USH2A: variants seen among roughly 807,000 people sequenced by gnomAD.
USH2A encodes the protein usherin.
In USH2A, 443 loss-of-function variants were observed where a neutral mutation model predicts 538.9. That is an observed-to-expected ratio of 0.82 (90% CI 0.76 to 0.89). USH2A has a LOEUF of 0.89. Ranked by LOEUF, USH2A falls within the 40% of genes least tolerant of loss-of-function variation. USH2A has a pLI of 0.00. For missense variants in USH2A, 6,633 were observed against 6,324.8 expected, an observed-to-expected ratio of 1.05 and a Z score of -1.65; for synonymous variants, 2,413 against 2,273.5, an observed-to-expected ratio of 1.06 and a Z score of -1.75.
At chr1:216,136,478 A>G (rs1409890247) in intron 21 of USH2A, among the ~76,000 whole-genome samples, 1 of 152,160 alleles carries the variant, frequency 6.6e-6, no homozygotes, top group African/African-American at 2.4e-5. Context: ...GGAGTTGTTT[A>G]ATTCCTCTTT....
intron 40 of USH2A, among the ~76,000 whole-genome samples, chr1:215,890,132 G>A (rs1304171872): frequency 2.6e-5 from 4 of 151,990 alleles, no homozygotes; most frequent in Non-Finnish European, 4.4e-5. Flanking sequence ...TATAAACCAC[G>A]GCCTGAAATC....
intron 21 of USH2A, among the ~76,000 whole-genome samples, chr1:216,158,792 CA>C (rs1399556291): frequency 1.3e-5 from 2 of 152,134 alleles, no homozygotes; most frequent in African/African-American, 4.8e-5. Context: ...TTCTACAGAT[CA>C]AACTAGGAAG....
At chr1:216,286,471 G>C (rs2036886378) in intron 11 of USH2A, among the ~76,000 whole-genome samples, 1 of 152,120 alleles carries the variant, frequency 6.6e-6, no homozygotes, top group Admixed American at 6.6e-5. Context: ...GCTCATGCCT[G>C]TAATCCTAGC....
At chr1:215,645,849 T>C (rs185226161) in intron 67 of USH2A, among the ~76,000 whole-genome samples, 4 of 152,268 alleles carry the variant, frequency 2.6e-5, no homozygotes, top group African/African-American at 9.6e-5. Flanking sequence ...TGTCAAAATT[T>C]AATTTAAGAA....
chr1:216,372,922 T>G (rs2038742094), intron 3 of USH2A, among the ~76,000 whole-genome samples: 1 of 152,218 alleles, frequency 6.6e-6, no homozygotes, highest in African/African-American at 2.4e-5. Flanking sequence ...GATTATCAAG[T>G]TAGCTGTAAA....
At chr1:215,820,471 A>T (rs74593578) in intron 47 of USH2A, among the ~76,000 whole-genome samples, 2 of 151,744 alleles carry the variant, frequency 1.3e-5, no homozygotes, top group African/African-American at 4.8e-5. Flanking sequence ...TACATAATAG[A>T]TGTACATATT....
chr1:215,880,172 T>C (rs1664870646), intron 41 of USH2A, among the ~76,000 whole-genome samples: 1 of 152,178 alleles, frequency 6.6e-6, no homozygotes, highest in Admixed American at 6.5e-5. Flanking sequence ...TGTACATTTG[T>C]ACCCCTATGC....
At chr1:215,717,600 C>G (rs1225892917) in intron 61 of USH2A, among the ~76,000 whole-genome samples, 1 of 152,112 alleles carries the variant, frequency 6.6e-6, no homozygotes, top group African/African-American at 2.4e-5. Flanking sequence ...AAGACTATTT[C>G]TCGTTTGTTT....
intron 61 of USH2A, among the ~76,000 whole-genome samples, chr1:215,687,317 C>A (rs1010108421): frequency 6.6e-6 from 1 of 151,792 alleles, no homozygotes; most frequent in Admixed American, 6.6e-5. Context: ...TGCTTTTACT[C>A]CAACAACTCT....
chr1:215,817,985 T>G (rs1662906137), intron 47 of USH2A, among the ~76,000 whole-genome samples: 1 of 152,050 alleles, frequency 6.6e-6, no homozygotes, highest in Non-Finnish European at 1.5e-5. Context: ...ACTTTTATGA[T>G]GATCCACTTC....
At chr1:216,325,110 G>A (rs943877901) in intron 6 of USH2A, among the ~76,000 whole-genome samples, 195 bp downstream of exon 6, 1 of 152,128 alleles carries the variant, frequency 6.6e-6, no homozygotes. Flanking sequence ...AGGGCCACCA[G>A]GAGCTGCAAA....
At chr1:216,370,159 G>C (rs1420909088) in intron 3 of USH2A, among the ~76,000 whole-genome samples, 1 of 152,010 alleles carries the variant, frequency 6.6e-6, no homozygotes, top group Non-Finnish European at 1.5e-5. Context: ...AAAAGTTCTA[G>C]ACCAGCCTGG....
chr1:216,422,843 A>G (rs2039702881), intron 1 of USH2A, among the ~76,000 whole-genome samples: 1 of 151,400 alleles, frequency 6.6e-6, no homozygotes, highest in African/African-American at 2.4e-5. Context: ...ATAATATATT[A>G]CACATACAAT....
intron 38 of USH2A, among the ~76,000 whole-genome samples, chr1:215,909,933 T>A (rs1315444234): frequency 1.3e-5 from 2 of 151,844 alleles, no homozygotes; most frequent in East Asian, 1.9e-4. Flanking sequence ...AGAAAAAAAA[T>A]TTGTTGGTTC....
chr1:216,387,095 G>T (rs2039021423), intron 3 of USH2A, among the ~76,000 whole-genome samples: 1 of 152,142 alleles, frequency 6.6e-6, no homozygotes, highest in Non-Finnish European at 1.5e-5. Context: ...AAGAGATAAA[G>T]AATCCAGAAT....
intron 4 of USH2A, among the ~76,000 whole-genome samples, chr1:216,358,494 TAAGAGA>T (rs2038428936): frequency 6.6e-6 from 1 of 152,010 alleles, no homozygotes; most frequent in Non-Finnish European, 1.5e-5. Context: ...AAGGAGCAAG[TAAGAGA>T]AAGAAAATGA....
At chr1:215,799,630 T>C (rs977013018) in intron 49 of USH2A, among the ~76,000 whole-genome samples, 7 of 152,178 alleles carry the variant, frequency 4.6e-5, no homozygotes, top group African/African-American at 1.7e-4. Flanking sequence ...CTCTGGGCTA[T>C]GTCACACACT....
At chr1:216,300,743 T>A (rs1190198090) in intron 9 of USH2A, among the ~76,000 whole-genome samples, 2 of 145,836 alleles carry the variant, frequency 1.4e-5, no homozygotes, top group Non-Finnish European at 3.0e-5. Context: ...GACTCAATGT[T>A]TTTTTTTTTT....
intron 37 of USH2A, among the ~76,000 whole-genome samples, chr1:215,953,119 T>C (rs1666965409): frequency 1.3e-5 from 2 of 152,152 alleles, no homozygotes; most frequent in Non-Finnish European, 2.9e-5. Context: ...GAATCAATAT[T>C]GTGAAAATGG....
Sources: gnomAD v4.1 joint callset for allele counts (sites outside exome capture counted in the v4.1 genomes callset) on GRCh38, gnomAD v4.1.1 for gene constraint, MANE v1.5 for transcripts, NCBI Gene and HGNC (gene_info 2026-07-23, HGNC 2026-07-21) for gene names.